The following ADGRL2 variants were observed in gnomAD, a reference collection of about 807,000 sequenced individuals.
The protein encoded by ADGRL2 is calcium-independent alpha-latrotoxin receptor 2.
A neutral mutation model predicts 157.4 loss-of-function variants in ADGRL2; 44 were observed. That is an observed-to-expected ratio of 0.28 (90% confidence interval 0.22 to 0.36). The LOEUF (loss-of-function observed/expected upper bound fraction) is 0.36, where lower values mean the gene tolerates loss of function less well. Among genes scored for constraint, ADGRL2 ranks in the 10% least tolerant of loss-of-function variants. The pLI is 1.00. For synonymous variants in ADGRL2, 585 were observed against 624.7 expected (o/e 0.94, Z 0.95); for missense variants, 1,510 against 1,768.9 (o/e 0.85, Z 2.63).
intron 2 of ADGRL2, among the ~76,000 whole-genome samples, chr1:81,508,819 C>T (rs1405528268): frequency 6.6e-6 from 1 of 152,184 alleles, no homozygotes; most frequent in Non-Finnish European, 1.5e-5. Flanking sequence ...GTGCCCCTGA[C>T]ATAACCTTTA....
intron 2 of ADGRL2, among the ~76,000 whole-genome samples, chr1:81,453,248 C>G (rs1310952772): frequency 6.6e-6 from 1 of 152,164 alleles, no homozygotes; most frequent in East Asian, 1.9e-4. Flanking sequence ...AATGTAAATA[C>G]AGAGAAAACC....
chr1:81,419,167 G>A (rs1216355465), intron 1 of ADGRL2, among the ~76,000 whole-genome samples: 1 of 152,050 alleles, frequency 6.6e-6, no homozygotes, highest in Non-Finnish European at 1.5e-5. Context: ...TCTTTATTCA[G>A]CAACCTTATA....
intron 1 of ADGRL2, among the ~76,000 whole-genome samples, chr1:81,329,145 C>T (rs191430269): frequency 2.0e-5 from 3 of 152,214 alleles, no homozygotes; most frequent in Admixed American, 2.0e-4. Context: ...ACTCTGCATG[C>T]ATAGCCTCTA....
chr1:81,328,719 G>A lies in ADGRL2; in HGVS notation c.-302+22210G>A, dbSNP rs865912082. Among the ~76,000 whole-genome samples the A allele has an allele frequency of 1.3e-4, 20 of 152,114 alleles. No homozygotes were observed. In the South Asian group the frequency reaches 2.7e-3, roughly 21 times the overall value. ...ATAGTTAGCTATGTTAAAGTACCCT[G>A]TGGTAAGGATCACCTCAATTCCAGT... On this transcript the variant is annotated intron_variant, in intron 1 of 24. Transcript: ENST00000370721.
intron 1 of ADGRL2, among the ~76,000 whole-genome samples, chr1:81,704,524 A>G (rs906460861): frequency 2.0e-5 from 3 of 152,174 alleles, no homozygotes; most frequent in Non-Finnish European, 2.9e-5. Context: ...ATCAGTAGGA[A>G]AAGGAACAAC....
rs75740066 is a variant in ADGRL2, at chr1:81,366,941, C to A, written c.-302+60432C>A. Among the ~76,000 whole-genome samples the A allele has an allele frequency of 5.3e-3, 812 of 152,282 alleles. 5 individuals carry two copies. Among genetic ancestry groups the A allele is most frequent in the African/African-American group, 0.018 (748 of 41,550 alleles). ...AGTTCTACATTCTCTTTTTATGCTACATACTTTCCTGAGATGATCTTAATC... is the reference window on the plus strand; with the variant it reads ...AGTTCTACATTCTCTTTTTATGCTAAATACTTTCCTGAGATGATCTTAATC... On this transcript the variant is annotated intron_variant, in intron 1 of 24. Transcript: ENST00000370721.
At chr1:81,660,333 T>C (rs1242594751) in intron 3 of ADGRL2, among the ~76,000 whole-genome samples, 1 of 152,182 alleles carries the variant, frequency 6.6e-6, no homozygotes, top group Non-Finnish European at 1.5e-5. Context: ...GTTAATAGGT[T>C]GTACTGAGTA....
chr1:81,563,383 G>C (rs1209256071), intron 2 of ADGRL2, among the ~76,000 whole-genome samples: 1 of 152,084 alleles, frequency 6.6e-6, no homozygotes, highest in Admixed American at 6.6e-5. Flanking sequence ...TTACTTAAGG[G>C]ATAGGCCAAC....
chr1:81,666,899 A>T (rs192688737), intron 3 of ADGRL2, among the ~76,000 whole-genome samples: 4 of 152,340 alleles, frequency 2.6e-5, no homozygotes, highest in Admixed American at 6.5e-5. Context: ...TAAGTATGGC[A>T]GAAAGTAAGT....
At chr1:81,836,667 G>T (rs909401966) in intron 1 of ADGRL2, among the ~76,000 whole-genome samples, 1 of 152,074 alleles carries the variant, frequency 6.6e-6, no homozygotes, top group Admixed American at 6.6e-5. Context: ...TACAAATTTT[G>T]GCAATTTGAC....
chr1:81,545,569 C>T (rs558050864), intron 2 of ADGRL2, among the ~76,000 whole-genome samples: 4 of 152,104 alleles, frequency 2.6e-5, no homozygotes, highest in African/African-American at 9.7e-5. Flanking sequence ...CTTGAGCTAT[C>T]GAGCCTGGCC....
At chr1:81,367,613 G>A (rs148815169) in intron 1 of ADGRL2, among the ~76,000 whole-genome samples, 2,270 of 152,112 alleles carry the variant, frequency 0.015, 56 homozygotes, top group African/African-American at 0.052. Context: ...AGGCTGGAGC[G>A]CAATGGCGTG....
At chr1:81,944,227 A>C (rs989230596) in intron 6 of ADGRL2, among the ~76,000 whole-genome samples, 6 of 152,084 alleles carry the variant, frequency 3.9e-5, no homozygotes, top group African/African-American at 1.4e-4. Flanking sequence ...CTGTTCTCTC[A>C]GTAGGAGAGG....
chr1:81,634,971 A>G (rs1212829839), intron 3 of ADGRL2, among the ~76,000 whole-genome samples: 3 of 152,064 alleles, frequency 2.0e-5, no homozygotes, highest in Non-Finnish European at 4.4e-5. Context: ...GGCTTTCTTC[A>G]GGGGTTTGCT....
chr1:81,881,280 A>ATTC (rs1557835905), intron 2 of ADGRL2, among the ~76,000 whole-genome samples: 1 of 152,146 alleles, frequency 6.6e-6, no homozygotes, highest in African/African-American at 2.4e-5. Context: ...GGCTCACGCC[A>ATTC]TTCTCCTGCC....
intron 2 of ADGRL2, among the ~76,000 whole-genome samples, chr1:81,768,787 T>C (rs2086237306): frequency 1.3e-5 from 2 of 152,108 alleles, no homozygotes; most frequent in African/African-American, 4.8e-5. Flanking sequence ...TTTTAACCAA[T>C]TTTAAAAATT....
intron 2 of ADGRL2, among the ~76,000 whole-genome samples, chr1:81,794,592 C>G (rs981006861): frequency 1.5e-4 from 23 of 152,148 alleles, no homozygotes; most frequent in African/African-American, 5.3e-4. Context: ...ATTACTGAAT[C>G]CTTTCAGTGC....
chr1:81,583,652 A>AT (rs1419768200), intron 3 of ADGRL2, among the ~76,000 whole-genome samples: 1 of 150,264 alleles, frequency 6.7e-6, no homozygotes, highest in Non-Finnish European at 1.5e-5. Context: ...TTATGATTTG[A>AT]TTTTTTACAT....
chr1:81,751,950 T>G (rs921337971), intron 1 of ADGRL2, among the ~76,000 whole-genome samples: 1 of 152,182 alleles, frequency 6.6e-6, no homozygotes, highest in African/African-American at 2.4e-5. Context: ...CGGAATAGGT[T>G]TCAGGTTAGT....
Sources: gnomAD v4.1 joint callset for allele counts (sites outside exome capture counted in the v4.1 genomes callset) on GRCh38, gnomAD v4.1.1 for gene constraint, MANE v1.5 for transcripts, NCBI Gene and HGNC (gene_info 2026-07-23, HGNC 2026-07-21) for gene names.